The following VAX2 variants were observed in gnomAD, a reference collection of about 807,000 sequenced individuals.
VAX2 encodes the protein ventral anterior homeobox 2.
Under a neutral mutation model 12.5 loss-of-function variants are expected in VAX2, and 8 were observed. The observed-to-expected ratio is 0.64, with a 90% CI of 0.37 to 1.15. The LOEUF (loss-of-function observed/expected upper bound fraction) is 1.15, where lower values mean the gene tolerates loss of function less well. VAX2 is among the 50% of genes most tolerant of loss of function. The probability of loss-of-function intolerance (pLI) is 0.01; values close to 1 mark genes in which losing one functional copy is unlikely to be tolerated. For synonymous variants in VAX2, 183 were observed against 187.6 expected, an observed-to-expected ratio of 0.98 and a Z score of 0.20; for missense variants, 476 against 412.9, an observed-to-expected ratio of 1.15 and a Z score of -1.32.
chr2:70,927,589 AT>A (rs1276484560), intron 2 of VAX2, among the ~76,000 whole-genome samples: 4 of 151,790 alleles, frequency 2.6e-5, no homozygotes, highest in African/African-American at 9.7e-5. Flanking sequence ...CAAAAGATGA[AT>A]GCCATTTCCA....
chr2:70,926,497 T>A (rs868948545), intron 2 of VAX2, among the ~76,000 whole-genome samples: 3 of 152,144 alleles, frequency 2.0e-5, no homozygotes, highest in Non-Finnish European at 4.4e-5. Context: ...CACCATGCTT[T>A]GTTTGAAAAA....
chr2:70,929,682 A>C (rs1679650979), intron 2 of VAX2, among the ~76,000 whole-genome samples: 1 of 87,578 alleles, frequency 1.1e-5, no homozygotes, highest in African/African-American at 5.6e-5. Flanking sequence ...GTGAGACTCC[A>C]TCTCAAAAAA....
chr2:70,910,004 A>G (rs1010357632), intron 1 of VAX2, among the ~76,000 whole-genome samples: 2 of 152,162 alleles, frequency 1.3e-5, no homozygotes, highest in Non-Finnish European at 2.9e-5. Context: ...CTTATTTATG[A>G]GACAATTTGG....
chr2:70,919,282 T>G (rs893169475), intron 1 of VAX2, among the ~76,000 whole-genome samples: 3 of 152,042 alleles, frequency 2.0e-5, no homozygotes, highest in African/African-American at 7.2e-5. Context: ...AAGAGTTTCT[T>G]GGACACTGCC....
At chr2:70,924,272 C>T (rs1553413252) in intron 2 of VAX2, 2 of 152,216 alleles carry the variant, frequency 1.3e-5, no homozygotes, top group African/African-American at 4.8e-5. Context: ...TATGGTCTTT[C>T]TAGAACCAGC....
chr2:70,908,732 C>A (rs1450682532), intron 1 of VAX2, among the ~76,000 whole-genome samples: 1 of 152,166 alleles, frequency 6.6e-6, no homozygotes, highest in East Asian at 1.9e-4. Context: ...CAAGATAATG[C>A]CCAATTGTTT....
Position 70,900,701 on chromosome 2 carries a change from A to C in VAX2, c.80A>C (p.Asp27Ala). ...GGTGGCGGCGGTGGGCGCTGCGGAG[A>C]CCGCAGCGGAGCGGGGGACTTGCGA... The part of the protein sequence containing the change: ...ESGGGGGRCG[D>A]RSGAGDLRAD... The change falls in exon 1 of 3, where the codon GAC becomes GCC. Residue 27 changes from aspartate to alanine, a missense_variant. By Grantham distance (126) the Asp-to-Ala change is moderately radical. Coordinates refer to ENST00000234392, the MANE Select transcript of VAX2 (RefSeq NM_012476.3). The C allele has an allele frequency of 7.4e-7, 1 of 1,344,774 alleles. No homozygotes were observed. The highest frequency in any genetic ancestry group is 9.6e-7 in the Non-Finnish European group (1 of 1,046,452). 83.3% of individuals were successfully genotyped at this position (1,344,774 alleles called of 1,614,324 possible). A position where few individuals can be genotyped will look rare whatever the true frequency, so the allele number is the denominator to read the frequency against.
At chr2:70,920,644 GACACAC>G (rs3841907) in intron 1 of VAX2, among the ~76,000 whole-genome samples, 13 of 149,902 alleles carry the variant, frequency 8.7e-5, no homozygotes, top group African/African-American at 1.2e-4. Flanking sequence ...TGCATGCACA[GACACAC>G]ACACACACAC....
intron 2 of VAX2, among the ~76,000 whole-genome samples, chr2:70,926,008 C>G (rs1177221337): frequency 6.6e-6 from 1 of 151,984 alleles, no homozygotes; most frequent in Non-Finnish European, 1.5e-5. Flanking sequence ...CAGGCATGGT[C>G]CCAATTCAGG....
At chr2:70,903,589 G>A (rs377124727) in intron 1 of VAX2, among the ~76,000 whole-genome samples, 6 of 152,174 alleles carry the variant, frequency 3.9e-5, no homozygotes, top group African/African-American at 1.4e-4. Flanking sequence ...ATCTTACAAA[G>A]GGACCCATAG....
intron 2 of VAX2, among the ~76,000 whole-genome samples, chr2:70,928,830 A>G (rs1183803860): frequency 1.3e-5 from 2 of 152,240 alleles, no homozygotes; most frequent in South Asian, 2.1e-4. Flanking sequence ...ATAAATAACT[A>G]TTCACATTTC....
chr2:70,904,260 AG>A lies in VAX2; in HGVS notation c.247+3394del, dbSNP rs1178583762. Among the ~76,000 whole-genome samples the A allele has an allele frequency of 6.6e-6, 1 of 152,186 alleles. No individual in the cohort carries two copies. The highest frequency in any genetic ancestry group is 1.5e-5 in the Non-Finnish European group (1 of 68,036). On this transcript the variant is annotated intron_variant, in intron 1 of 2. Transcript: ENST00000234392. The surrounding 1 kb of genome is among the most constrained non-coding windows in gnomAD (Gnocchi z 4.2). ...CCAAAGGCAGGCAGGAAGCAACCAA[AG>A]GAACAACAGGCCGCCTGAGCCGTGG...
rs1279467029 is a variant in VAX2, at chr2:70,906,920, A to G, written c.247+6052A>G. On this transcript the variant is annotated intron_variant, in intron 1 of 2. Coordinates refer to ENST00000234392, the MANE Select transcript of VAX2 (RefSeq NM_012476.3). ...GGCAAAGACCACGTAGGAGGTGGTC[A>G]CTGTGCCCACCAAATCCAGGCGATC... 5.3e-5 allele frequency among the ~76,000 whole-genome samples: 8 copies of G among 152,218 alleles called. 1 individual carries two copies. In the South Asian group the frequency reaches 1.2e-3, roughly 24 times the overall value.
Position 70,933,421 on chromosome 2 carries a change from A to G in VAX2, c.*217A>G, listed in dbSNP as rs144446709. The G allele has an allele frequency of 3.4e-3, 1,372 of 407,016 alleles. 8 individuals are homozygous for G. Among genetic ancestry groups the G allele is most frequent in the Non-Finnish European group, 4.8e-3 (1,132 of 234,122 alleles). The allele number at this position is 407,016 out of a possible 1,614,324, so 25.2% of individuals were successfully genotyped here. ...GTGTGTGTGTCTCTCACTGAAATAA[A>G]AGGAAAACAATGACAAGAAGGGAAA... is the stretch of plus-strand genomic sequence containing the variant. On this transcript the variant is annotated 3_prime_UTR_variant, in exon 3 of 3. Coordinates refer to ENST00000234392, the MANE Select transcript of VAX2 (RefSeq NM_012476.3).
chr2:70,913,588 A>G (rs563096569), intron 1 of VAX2, among the ~76,000 whole-genome samples: 1 of 152,088 alleles, frequency 6.6e-6, no homozygotes, highest in Non-Finnish European at 1.5e-5. Flanking sequence ...ATGCAGGAGA[A>G]TCGTTCGAAC....
At chr2:70,929,458 G>A (rs1553413994) in intron 2 of VAX2, among the ~76,000 whole-genome samples, 4 of 138,834 alleles carry the variant, frequency 2.9e-5, no homozygotes, top group Non-Finnish European at 1.6e-5. Flanking sequence ...GGAGGCCGAG[G>A]TGGGCAGATC....
intron 2 of VAX2, among the ~76,000 whole-genome samples, chr2:70,931,117 G>C (rs1679686077): frequency 6.6e-6 from 1 of 152,238 alleles, no homozygotes; most frequent in South Asian, 2.1e-4. Flanking sequence ...CTCCCATGAG[G>C]TTTTGTGGCC....
chr2:70,922,225 G>A (rs901879431), intron 2 of VAX2, among the ~76,000 whole-genome samples: 3 of 152,244 alleles, frequency 2.0e-5, no homozygotes, highest in Non-Finnish European at 2.9e-5. Context: ...TCATATATGA[G>A]GGAGATCAAT....
rs545437814 is a variant in VAX2 at position 70,933,093 on chromosome 2, G to A, written c.762G>A (p.Pro254=). The A allele has an allele frequency of 1.3e-5, 21 of 1,609,792 alleles. No individual in the cohort carries two copies. The highest frequency in any genetic ancestry group is 1.2e-4 in the South Asian group (11 of 90,260). Residue 254 remains proline (P), a synonymous_variant, in exon 3 of 3, where the codon CCG becomes CCA. Coordinates refer to ENST00000234392, the MANE Select transcript of VAX2 (RefSeq NM_012476.3). ...PLPAVCFSSA[P]LLDLPAGYEL... Reference sequence around the variant, plus strand: ...CAGCTGTCTGCTTTTCCTCGGCCCCGCTCCTGGATCTGCCTGCCGGCTACG... The same window carrying A: ...CAGCTGTCTGCTTTTCCTCGGCCCCACTCCTGGATCTGCCTGCCGGCTACG...
Sources: gnomAD v4.1 joint callset for allele counts (sites outside exome capture counted in the v4.1 genomes callset) on GRCh38, gnomAD v4.1.1 for gene constraint, Gnocchi (gnomAD v3.1) non-coding constraint, MANE v1.5 for transcripts, NCBI Gene and HGNC (gene_info 2026-07-23, HGNC 2026-07-21) for gene names.